The following UTS2B variants were observed in gnomAD, a reference collection of about 807,000 sequenced individuals.
UTS2B encodes the protein urotensin 2B, also known as urotensin-2B.
Under a neutral mutation model 19.2 loss-of-function variants are expected in UTS2B, and 21 were observed. The observed-to-expected ratio is 1.09, with a 90% CI of 0.78 to 1.58. The LOEUF (loss-of-function observed/expected upper bound fraction) is 1.58, where lower values mean the gene tolerates loss of function less well. Ranked by LOEUF, UTS2B falls within the 40% of genes most tolerant of loss-of-function variation. The pLI, the probability that UTS2B is intolerant of heterozygous loss-of-function variation, is 0.00. For missense variants in UTS2B, 138 were observed against 130.3 expected (o/e 1.06, Z -0.29); for synonymous variants, 57 against 50.2 (o/e 1.14, Z -0.58).
chr3:191,335,201 T>TA (rs1415309760), upstream of UTS2B, among the ~76,000 whole-genome samples: 3 of 152,180 alleles, frequency 2.0e-5, no homozygotes, highest in African/African-American at 7.2e-5. Context: ...TGGAGACCAC[T>TA]AAACTTAAGT....
intron 1 of UTS2B, chr3:191,329,436 C>CGCGGAGCAGGTGGCCGCG (rs927640297): frequency 6.7e-6 from 3 of 450,322 alleles, no homozygotes; most frequent in African/African-American, 2.1e-5. Flanking sequence ...GGGCCGGGGA[C>CGCGGAGCAGGTGGCCGCG]GCGGAGCAGG....
At chr3:191,319,854 C>T (rs1453586472) in intron 2 of UTS2B, among the ~76,000 whole-genome samples, 5 of 142,554 alleles carry the variant, frequency 3.5e-5, no homozygotes, top group Non-Finnish European at 6.0e-5. Flanking sequence ...GGCAACAGTG[C>T]GAGACTTGGT....
upstream of UTS2B, among the ~76,000 whole-genome samples, chr3:191,333,817 C>A (rs1718060992): frequency 6.6e-6 from 1 of 152,070 alleles, no homozygotes; most frequent in South Asian, 2.1e-4. Context: ...ACCTTTTAAA[C>A]TGTGTGTATC....
intron 5 of UTS2B, among the ~76,000 whole-genome samples, chr3:191,279,547 T>C (rs1276689890): frequency 6.6e-6 from 1 of 152,044 alleles, no homozygotes; most frequent in Non-Finnish European, 1.5e-5. Flanking sequence ...TTAGAAAATG[T>C]ATATGACTAA....
chr3:191,333,979 G>C (rs971347577), upstream of UTS2B, among the ~76,000 whole-genome samples: 1 of 152,042 alleles, frequency 6.6e-6, no homozygotes, highest in Non-Finnish European at 1.5e-5. Context: ...TCTGACTTTG[G>C]AGATAATCAT....
At chr3:191,305,497 C>T (rs1332413096) in intron 3 of UTS2B, among the ~76,000 whole-genome samples, 1 of 152,078 alleles carries the variant, frequency 6.6e-6, no homozygotes, top group African/African-American at 2.4e-5. Flanking sequence ...GTCCTTTGCT[C>T]ATTTTTTTAA....
intron 4 of UTS2B, among the ~76,000 whole-genome samples, chr3:191,301,639 A>C (rs1416527189): frequency 6.6e-6 from 1 of 151,904 alleles, no homozygotes; most frequent in African/African-American, 2.4e-5. Context: ...GGCGCCCGCC[A>C]CCATGCCCGG....
At chr3:191,312,635 G>A (rs1032816476) in intron 3 of UTS2B, among the ~76,000 whole-genome samples, 1 of 152,072 alleles carries the variant, frequency 6.6e-6, no homozygotes, top group Non-Finnish European at 1.5e-5. Context: ...TTAACCACAG[G>A]TGAAGTTTTT....
At chr3:191,271,508 T>C (rs1716094225) in intron 8 of UTS2B, among the ~76,000 whole-genome samples, 1 of 152,194 alleles carries the variant, frequency 6.6e-6, no homozygotes. Flanking sequence ...ACCCCTGGTG[T>C]TTTGGTAACA....
intron 5 of UTS2B, among the ~76,000 whole-genome samples, chr3:191,279,710 A>G (rs951825448): frequency 9.9e-5 from 15 of 152,070 alleles, no homozygotes; most frequent in African/African-American, 3.6e-4. Context: ...TTATACCTCC[A>G]TAACTCTTTG....
At chr3:191,274,460 G>C (rs1313436029) in intron 8 of UTS2B, among the ~76,000 whole-genome samples, 4 of 152,196 alleles carry the variant, frequency 2.6e-5, no homozygotes, top group Admixed American at 2.0e-4. Flanking sequence ...AAATGAGGCA[G>C]AGAAAATTAG....
At chr3:191,269,269 A>G (rs1044310965) in intron 8 of UTS2B, among the ~76,000 whole-genome samples, 1 of 152,218 alleles carries the variant, frequency 6.6e-6, no homozygotes, top group African/African-American at 2.4e-5. Context: ...AATGAATGAT[A>G]AATTTCTATG....
intron 5 of UTS2B, among the ~76,000 whole-genome samples, chr3:191,278,698 T>C (rs1268600061): frequency 6.6e-6 from 1 of 151,998 alleles, no homozygotes; most frequent in Non-Finnish European, 1.5e-5. Context: ...TTAACATCTT[T>C]TAATCTTTGT....
intron 5 of UTS2B, among the ~76,000 whole-genome samples, chr3:191,278,700 A>C (rs1716304694): frequency 6.6e-6 from 1 of 151,958 alleles, no homozygotes; most frequent in African/African-American, 2.4e-5. Flanking sequence ...AACATCTTTT[A>C]ATCTTTGTCA....
chr3:191,331,046 C>G (rs1443328473), upstream of UTS2B, among the ~76,000 whole-genome samples: 1 of 152,158 alleles, frequency 6.6e-6, no homozygotes, highest in African/African-American at 2.4e-5. Flanking sequence ...ACTAAGGAGG[C>G]TGAGCGATAG....
In UTS2B at chr3:191,275,347, T is replaced by C; in HGVS notation, c.241-2A>G. The C allele has an allele frequency of 6.2e-7, 1 of 1,611,134 alleles. No individual in the cohort carries two copies. The highest frequency in any genetic ancestry group is 8.5e-7 in the Non-Finnish European group (1 of 1,177,358). On this transcript the variant is annotated splice_acceptor_variant, in intron 7 of 8. Transcript: ENST00000340524. LOFTEE classifies it high-confidence loss of function. ...TAGCTGTTCTTTTAGCTTTTCCAGC[T>C]GATAAAATTGTAAAATGATAATTAA...
intron 2 of UTS2B, among the ~76,000 whole-genome samples, chr3:191,319,544 T>C (rs559424721): frequency 6.6e-6 from 1 of 152,244 alleles, no homozygotes; most frequent in Admixed American, 6.5e-5. Flanking sequence ...GTATAGGTTC[T>C]TTTTTTAAAA....
intron 4 of UTS2B, among the ~76,000 whole-genome samples, chr3:191,291,266 T>C (rs953382236): frequency 1.3e-5 from 2 of 152,222 alleles, no homozygotes; most frequent in African/African-American, 4.8e-5. Context: ...GTAGTTTCAC[T>C]TTCTTGATCA....
At chr3:191,319,867 CAA>C (rs535836438) in intron 2 of UTS2B, among the ~76,000 whole-genome samples, 6 of 72,972 alleles carry the variant, frequency 8.2e-5, no homozygotes, top group Non-Finnish European at 9.0e-5. Flanking sequence ...GACTTGGTCT[CAA>C]AAAAAAAAAA....
Sources: allele counts gnomAD v4.1 joint callset (sites outside exome capture counted in the v4.1 genomes callset), GRCh38; gene constraint gnomAD v4.1.1; transcripts MANE v1.5; gene names NCBI Gene and HGNC (gene_info 2026-07-23, HGNC 2026-07-21).